The following BTBD9 variants were observed in gnomAD, a reference collection of about 807,000 sequenced individuals.
BTBD9 encodes the protein BTB/POZ domain-containing protein 9.
In BTBD9, 49 loss-of-function variants were observed where a neutral mutation model predicts 64.3. The ratio of observed to expected loss-of-function variants is 0.76; its 90% confidence interval spans 0.61 to 0.97. The LOEUF (loss-of-function observed/expected upper bound fraction) is 0.97, where lower values mean the gene tolerates loss of function less well. Ranked by LOEUF, BTBD9 falls within the 50% of genes least tolerant of loss-of-function variation. The pLI is 0.00. For synonymous variants in BTBD9, 260 were observed against 274.7 expected (o/e 0.95, Z 0.53); for missense variants, 598 against 762.1 (o/e 0.78, Z 2.53).
intron 9 of BTBD9, among the ~76,000 whole-genome samples, chr6:38,209,683 T>C (rs891875012): frequency 6.6e-6 from 1 of 152,194 alleles, no homozygotes; most frequent in African/African-American, 2.4e-5. Flanking sequence ...GGCGGGCCCC[T>C]TGCCCAGGTT....
chr6:38,257,952 G>A (rs1286210929), intron 8 of BTBD9, among the ~76,000 whole-genome samples: 5 of 151,360 alleles, frequency 3.3e-5, no homozygotes, highest in African/African-American at 9.7e-5. Flanking sequence ...TGTTCACTCT[G>A]TGTGTGTTAT....
chr6:38,369,365 A>T lies in BTBD9; in HGVS notation c.1155-24272T>A, dbSNP rs1765322417. ...AATATACAAATGGGCTTCCAGGTAAAATTGCCTTCCTAGATTCCTAATAGA... is the reference window on the plus strand; with the variant it reads ...AATATACAAATGGGCTTCCAGGTAATATTGCCTTCCTAGATTCCTAATAGA... On this transcript the variant is annotated intron_variant, in intron 6 of 10. Transcript: ENST00000481247. 2.0e-5 allele frequency among the ~76,000 whole-genome samples: 3 copies of T among 152,166 alleles called. No homozygotes were observed. In the South Asian group the frequency reaches 6.2e-4, roughly 32 times the overall value.
intron 6 of BTBD9, among the ~76,000 whole-genome samples, chr6:38,491,727 C>A (rs149193170): frequency 6.6e-5 from 10 of 151,868 alleles, no homozygotes; most frequent in African/African-American, 2.4e-4. Flanking sequence ...TGAGAAGAAA[C>A]CACAAAGCAA....
intron 6 of BTBD9, among the ~76,000 whole-genome samples, chr6:38,368,016 G>T (rs368586839): frequency 2.0e-5 from 3 of 152,084 alleles, no homozygotes; most frequent in African/African-American, 7.2e-5. Context: ...AAAAACTACA[G>T]ATTCTTTTTG....
At chr6:38,240,486 T>C (rs1018316350) in intron 9 of BTBD9, among the ~76,000 whole-genome samples, 10 of 152,316 alleles carry the variant, frequency 6.6e-5, no homozygotes, top group African/African-American at 2.2e-4. Flanking sequence ...CCCTACAGTT[T>C]AGGGTTCCTG....
intron 1 of BTBD9, among the ~76,000 whole-genome samples, chr6:38,624,989 T>C (rs994307884): frequency 6.6e-6 from 1 of 152,200 alleles, no homozygotes; most frequent in African/African-American, 2.4e-5. Context: ...CTAACCTTTT[T>C]CCAAAATGGA....
rs1015673014 is a variant in BTBD9 at position 38,472,506 on chromosome 6, G to A, written c.1154+105094C>T. 3.9e-5 allele frequency among the ~76,000 whole-genome samples: 6 copies of A among 152,158 alleles called. No homozygotes were observed. In the South Asian group the frequency reaches 1.2e-3, roughly 32 times the overall value. ...TAGAAAGGTCCCCAAGCAGCAAGAC[G>A]ATTCCTTGGTCTTTTATATAACTTA... On this transcript the variant is annotated intron_variant, in intron 6 of 10. Coordinates refer to ENST00000481247, the MANE Select transcript of BTBD9 (RefSeq NM_001099272.2).
intron 6 of BTBD9, among the ~76,000 whole-genome samples, chr6:38,532,958 A>T (rs1352172695): frequency 6.6e-6 from 1 of 151,986 alleles, no homozygotes; most frequent in Non-Finnish European, 1.5e-5. Context: ...GGGCACCTTC[A>T]CTAAAAGGAA....
At chr6:38,468,037 T>C (rs559397977) in intron 6 of BTBD9, among the ~76,000 whole-genome samples, 21 of 152,326 alleles carry the variant, frequency 1.4e-4, no homozygotes, top group African/African-American at 4.6e-4. Context: ...TGAATTCCAA[T>C]TTCTCTGTAC....
At chr6:38,595,687 T>G (rs1777001683) in intron 2 of BTBD9, 1 of 797,670 alleles carries the variant, frequency 1.3e-6, no homozygotes, top group Admixed American at 6.2e-5. Flanking sequence ...TGTCCCACCC[T>G]CCCCCAGGAC....
At chr6:38,349,578 C>T (rs181345986) in intron 6 of BTBD9, among the ~76,000 whole-genome samples, 2 of 152,138 alleles carry the variant, frequency 1.3e-5, no homozygotes, top group East Asian at 1.9e-4. Flanking sequence ...TCTCACTGTG[C>T]TTAATTTATA....
At chr6:38,555,834 C>A (rs1481346559) in intron 6 of BTBD9, among the ~76,000 whole-genome samples, 2 of 152,184 alleles carry the variant, frequency 1.3e-5, no homozygotes, top group Non-Finnish European at 1.5e-5. Context: ...TTCTCTATTT[C>A]ATGAAATCTT....
In BTBD9 at chr6:38,292,574, A is replaced by T. The variant is rs1305550953; in HGVS notation, c.1265-4113T>A. On this transcript the variant is annotated intron_variant, in intron 7 of 10. Coordinates refer to ENST00000481247, the MANE Select transcript of BTBD9 (RefSeq NM_001099272.2). ...GGTGTATGTGTCCAGGAATTTATCCATTTCTTCTAGGTTTTCTACTTTATT... is the reference window on the plus strand; with the variant it reads ...GGTGTATGTGTCCAGGAATTTATCCTTTTCTTCTAGGTTTTCTACTTTATT... Among the ~76,000 whole-genome samples the T allele has an allele frequency of 3.3e-5, 5 of 152,116 alleles. No individual in the cohort carries two copies. In the East Asian group the frequency reaches 9.7e-4, roughly 29 times the overall value.
At chr6:38,541,936 G>A (rs1582603643) in intron 6 of BTBD9, among the ~76,000 whole-genome samples, 1 of 152,132 alleles carries the variant, frequency 6.6e-6, no homozygotes, top group East Asian at 1.9e-4. Flanking sequence ...AGATAAAACA[G>A]TTTTTATTTT....
At chr6:38,455,053 A>AAAAT (rs989585953) in intron 6 of BTBD9, among the ~76,000 whole-genome samples, 14 of 152,248 alleles carry the variant, frequency 9.2e-5, no homozygotes, top group South Asian at 8.3e-4. Context: ...TGAAACAAAC[A>AAAAT]AAATAAATAA....
chr6:38,589,908 G>C (rs111624503), intron 4 of BTBD9, among the ~76,000 whole-genome samples: 3,055 of 152,088 alleles, frequency 0.02, 63 homozygotes, highest in Middle Eastern at 0.058. Flanking sequence ...TCTACCTTAA[G>C]TCCCCTGGCA....
chr6:38,529,789 G>A (rs2127428302), intron 6 of BTBD9, among the ~76,000 whole-genome samples: 1 of 152,300 alleles, frequency 6.6e-6, no homozygotes, highest in Non-Finnish European at 1.5e-5. Context: ...TGATAATTGT[G>A]TTAACTGTAC....
At chr6:38,391,450 C>A (rs76925261) in intron 6 of BTBD9, among the ~76,000 whole-genome samples, 96 of 152,192 alleles carry the variant, frequency 6.3e-4, no homozygotes, top group African/African-American at 2.2e-3. Context: ...GAAGGTCATA[C>A]CTGAAGTCAG....
At chr6:38,282,085 C>A (rs929105620) in intron 8 of BTBD9, among the ~76,000 whole-genome samples, 1 of 152,054 alleles carries the variant, frequency 6.6e-6, no homozygotes, top group African/African-American at 2.4e-5. Context: ...TAAACTAAGG[C>A]GACAGAGGGA....
Sources: allele counts gnomAD v4.1 joint callset (sites outside exome capture counted in the v4.1 genomes callset), GRCh38; gene constraint gnomAD v4.1.1; transcripts MANE v1.5; gene names NCBI Gene and HGNC (gene_info 2026-07-23, HGNC 2026-07-21).